The following RUBCN variants were observed in gnomAD, a reference collection of about 807,000 sequenced individuals.
RUBCN encodes the protein rubicon autophagy regulator.
In RUBCN, 74 loss-of-function variants were observed where a neutral mutation model predicts 113.2. That is an observed-to-expected ratio of 0.65 (90% CI 0.54 to 0.79). The LOEUF is 0.79. RUBCN is among the 30% of genes least tolerant of loss of function. RUBCN has a pLI of 0.00. For synonymous variants in RUBCN, 480 were observed against 490.0 expected (o/e 0.98, Z 0.27); for missense variants, 1,109 against 1,251.7 (o/e 0.89, Z 1.72).
rs189532190 is a variant in RUBCN at position 197,668,905 on chromosome 3, A to G, written c.*6113T>C. The stretch of plus-strand genomic sequence containing the variant: ...TTAATTTATGGAAAATGACTCATTT[A>G]CAGCTAATTCAGTAAGCAGATAAGA... On this transcript the variant is annotated 3_prime_UTR_variant, in exon 20 of 20. Coordinates refer to ENST00000296343, the MANE Select transcript of RUBCN (RefSeq NM_014687.4). Among the ~76,000 whole-genome samples, 136 of 152,348 alleles carry G rather than the reference A, an allele frequency of 8.9e-4. No individual in the cohort carries two copies. The highest frequency in any genetic ancestry group is 3.1e-3 in the Admixed American group (48 of 15,308).
At chr3:197,737,155 T>C, upstream of RUBCN, 2 of 214,374 alleles carry the variant, frequency 9.3e-6, no homozygotes, top group South Asian at 6.1e-5. Flanking sequence ...GCGGGGGACC[T>C]TGGTCTCAGG....
intron 18 of RUBCN, chr3:197,676,616 A>G: frequency 7.5e-7 from 1 of 1,337,534 alleles, no homozygotes; most frequent in African/African-American, 1.5e-5. Flanking sequence ...CCTGGCCAAC[A>G]CTTCTTGAGT....
Position 197,681,448 on chromosome 3 carries a change from A to C in RUBCN, c.2192-81T>G, listed in dbSNP as rs1455378932. On this transcript the variant is annotated intron_variant, in intron 15 of 19. Coordinates refer to ENST00000296343, the MANE Select transcript of RUBCN (RefSeq NM_014687.4). This position sits in a 1 kb window ranked among gnomAD's most constrained non-coding sequence, Gnocchi z 5.5. ...GAAGGCAGCTCTGCTTTTCCCTTGA[A>C]AGGGCAGAGAGGGACAGCCAATGGC... The C allele has an allele frequency of 9.1e-7, 1 of 1,098,332 alleles. No individual in the cohort carries two copies. The highest frequency in any genetic ancestry group is 1.5e-5 in the African/African-American group (1 of 64,940). 68.0% of individuals were successfully genotyped at this position (1,098,332 alleles called of 1,614,324 possible). A position where few individuals can be genotyped will look rare whatever the true frequency, so the allele number is the denominator to read the frequency against.
At position 197,694,574 on chromosome 3, in the gene RUBCN, G is replaced by A. The variant is rs1380538374; in HGVS notation, c.1485C>T (p.His495=). The change falls in exon 10 of 20, where the codon CAC becomes CAT. Residue 495 remains histidine, a synonymous_variant. Transcript: ENST00000296343. ...SCADLEKENA[H]FSISESLIAA... is the part of the protein sequence containing the mutation. Reference sequence around the variant, plus strand: ...CAATTAAGGACTCTGAGATGCTGAAGTGGGCATTCTCCTGGCGGAAGGAGA... The same window carrying A: ...CAATTAAGGACTCTGAGATGCTGAAATGGGCATTCTCCTGGCGGAAGGAGA... The A allele has an allele frequency of 1.9e-6, 3 of 1,614,168 alleles. No individual in the cohort carries two copies. Among genetic ancestry groups the A allele is most frequent in the East Asian group, 2.2e-5 (1 of 44,884 alleles).
In RUBCN at chr3:197,669,076, C is replaced by G. The variant is rs369641689; in HGVS notation, c.*5942G>C. Among the ~76,000 whole-genome samples the G allele has an allele frequency of 1.4e-4, 21 of 152,226 alleles. No homozygotes were observed. In the East Asian group the frequency reaches 4.1e-3, roughly 29 times the overall value. ...TTTTTATATAGGTAAACTTCTTAAT[C>G]TGGAATAATTTTAGATCCACAGTAA... On this transcript the variant is annotated 3_prime_UTR_variant, in exon 20 of 20. Coordinates refer to ENST00000296343, the MANE Select transcript of RUBCN (RefSeq NM_014687.4).
chr3:197,723,374 C>T (rs577134443), intron 1 of RUBCN, among the ~76,000 whole-genome samples: 13 of 152,048 alleles, frequency 8.5e-5, no homozygotes, highest in East Asian at 1.9e-4. Context: ...TTAGTAGAGA[C>T]GGGGTTTCAC....
intron 16 of RUBCN, among the ~76,000 whole-genome samples, chr3:197,680,657 C>T (rs1285808161): frequency 6.6e-6 from 1 of 152,224 alleles, no homozygotes; most frequent in Non-Finnish European, 1.5e-5. Flanking sequence ...GGGAAGGCCC[C>T]TCCGCCAGGT....
intron 11 of RUBCN, among the ~76,000 whole-genome samples, chr3:197,688,096 G>A (rs1164320183): frequency 2.0e-5 from 3 of 152,032 alleles, no homozygotes; most frequent in Admixed American, 2.0e-4. Flanking sequence ...GCATGATCTC[G>A]GCTCACTGCA....
chr3:197,698,954 A>T (rs1399686945), intron 7 of RUBCN, among the ~76,000 whole-genome samples: 1 of 152,068 alleles, frequency 6.6e-6, no homozygotes, highest in African/African-American at 2.4e-5. Flanking sequence ...AACTGAATTG[A>T]TAAGTCTTGA....
At position 197,736,886 on chromosome 3, in the gene RUBCN, C is replaced by A. The variant is rs1053822166; in HGVS notation, c.-167G>T. 2.9e-6 allele frequency: 4 copies of A among 1,370,832 alleles called. No individual in the cohort carries two copies. Among genetic ancestry groups the A allele is most frequent in the Non-Finnish European group, 3.7e-6 (4 of 1,069,302 alleles). 84.9% of individuals were successfully genotyped at this position (1,370,832 alleles called of 1,614,324 possible). A position where few individuals can be genotyped will look rare whatever the true frequency, so the allele number is the denominator to read the frequency against. ...GCGGGAGGGACCGCCGCCTGGGCTG[C>A]GGCTTCTATCCCGGCCACCCCCACT... On this transcript the variant is annotated 5_prime_UTR_variant, in exon 1 of 20. Transcript: ENST00000296343.
At chr3:197,701,212 G>T in intron 6 of RUBCN, 66 bp from the exon 7 acceptor site, 1 of 1,357,628 alleles carries the variant, frequency 7.4e-7, no homozygotes, top group South Asian at 1.4e-5. Flanking sequence ...ATGTATGAAG[G>T]ACTGGGTGAC....
intron 2 of RUBCN, among the ~76,000 whole-genome samples, chr3:197,715,509 C>G (rs976255322): frequency 6.6e-6 from 1 of 152,086 alleles, no homozygotes; most frequent in Non-Finnish European, 1.5e-5. Flanking sequence ...TGTCCTCCTC[C>G]TCTTCCTCCT....
At chr3:197,729,584 AGTCTC>A (rs1727186297) in intron 1 of RUBCN, among the ~76,000 whole-genome samples, 1 of 151,840 alleles carries the variant, frequency 6.6e-6, no homozygotes, top group Admixed American at 6.6e-5. Context: ...TTTTTGAGAC[AGTCTC>A]GATCTGTTGC....
At chr3:197,737,867 A>G (rs1267356322), upstream of RUBCN, among the ~76,000 whole-genome samples, 1 of 152,100 alleles carries the variant, frequency 6.6e-6, no homozygotes, top group Admixed American at 6.6e-5. Flanking sequence ...ACGTGGGCCT[A>G]GGGTTGCCAG....
chr3:197,713,850 G>A lies in RUBCN; in HGVS notation c.219+4127C>T, dbSNP rs530620325. 1.4e-3 allele frequency among the ~76,000 whole-genome samples: 218 copies of A among 152,064 alleles called. 1 individual carries two copies. The highest frequency in any genetic ancestry group is 4.9e-3 in the African/African-American group (202 of 41,482). On this transcript the variant is annotated intron_variant, in intron 2 of 19. Transcript: ENST00000296343. ...AGCACTTTGGGAGGCTGAGGTGGGC[G>A]AATCATGAGCTCAGGAGTTCAAGAC... is the stretch of plus-strand genomic sequence containing the variant.
rs1459041125 is a variant in RUBCN at position 197,671,273 on chromosome 3, C to T, written c.*3745G>A. The T allele has an allele frequency of 6.6e-6, 1 of 152,166 alleles. No individual in the cohort carries two copies. Among genetic ancestry groups the T allele is most frequent in the East Asian group, 1.9e-4 (1 of 5,188 alleles). 9.4% of individuals were successfully genotyped at this position (152,166 alleles called of 1,614,324 possible). A position where few individuals can be genotyped will look rare whatever the true frequency, so the allele number is the denominator to read the frequency against. ...AGGTGATCCCCCTGCCTTGGTCTCT[C>T]AAAGTACTGGATGACACTCGTGAGC... On this transcript the variant is annotated 3_prime_UTR_variant, in exon 20 of 20. Coordinates refer to ENST00000296343, the MANE Select transcript of RUBCN (RefSeq NM_014687.4).
intron 2 of RUBCN, among the ~76,000 whole-genome samples, chr3:197,705,521 T>G (rs569626179): frequency 7.2e-6 from 1 of 139,218 alleles, no homozygotes; most frequent in East Asian, 2.1e-4. Flanking sequence ...GCCATGATTG[T>G]GCCACTGCAC....
In RUBCN at chr3:197,674,957, G is replaced by T; in HGVS notation, c.*61C>A. ...CCCCAGGTGGGGCGAGTCCTTCAAA[G>T]AGTGGCTCAGTTCTGCAACAGGTGT... On this transcript the variant is annotated 3_prime_UTR_variant, in exon 20 of 20. Coordinates refer to ENST00000296343, the MANE Select transcript of RUBCN (RefSeq NM_014687.4). 5.6e-6 allele frequency: 8 copies of T among 1,422,342 alleles called. No individual in the cohort carries two copies. Among genetic ancestry groups the T allele is most frequent in the South Asian group, 1.2e-5 (1 of 84,688 alleles). 88.1% of individuals were successfully genotyped at this position (1,422,342 alleles called of 1,614,324 possible). A position where few individuals can be genotyped will look rare whatever the true frequency, so the allele number is the denominator to read the frequency against.
At position 197,700,748 on chromosome 3, in the gene RUBCN, C is replaced by T. The variant is rs1723558611; in HGVS notation, c.1126G>A (p.Gly376Arg). The T allele has an allele frequency of 2.5e-6, 4 of 1,614,114 alleles. No homozygotes were observed. Among genetic ancestry groups the T allele is most frequent in the East Asian group, 2.2e-5 (1 of 44,902 alleles). ...ASSLGDQEGG[G>R]ESQLSSVLRR... ...AGGACACTGGACAGCTGGCTCTCCC[C>T]ACCTCCTTCCTGGTCCCCTAAGGAA... Residue 376 changes from glycine to arginine, a missense_variant, in exon 7 of 20, where the codon GGG (glycine) becomes AGG (arginine). Gly to Arg is a moderately radical substitution (Grantham distance 125). Around this residue, in one of 3 missense-constraint regions of RUBCN, gnomAD observed 736 missense variants for 779.6 expected, o/e 0.94. Transcript: ENST00000296343.
Sources: gnomAD v4.1 joint callset for allele counts (sites outside exome capture counted in the v4.1 genomes callset) on GRCh38, gnomAD v4.1.1 for gene constraint, gnomAD v4.1.1 regional missense constraint, Gnocchi (gnomAD v3.1) non-coding constraint, MANE v1.5 for transcripts, NCBI Gene and HGNC (gene_info 2026-07-23, HGNC 2026-07-21) for gene names.